Variants in ADAMTS6 observed in about 807,000 individuals in gnomAD.
ADAMTS6 encodes the protein ADAM metallopeptidase with thrombospondin type 1 motif 6.
Under a neutral mutation model 144.3 loss-of-function variants are expected in ADAMTS6, and 23 were observed. The observed-to-expected ratio is 0.16, with a 90% CI of 0.11 to 0.23. ADAMTS6 has a LOEUF of 0.23. Among genes scored for constraint, ADAMTS6 ranks in the 10% least tolerant of loss-of-function variants. The probability of loss-of-function intolerance (pLI) is 1.00; values close to 1 mark genes in which losing one functional copy is unlikely to be tolerated. For missense variants in ADAMTS6, 999 were observed against 1,379.6 expected (o/e 0.72, Z 4.37); for synonymous variants, 444 against 457.5 (o/e 0.97, Z 0.38).
Position 65,270,094 on chromosome 5 carries a change from G to A in ADAMTS6, c.1620+3246C>T, listed in dbSNP as rs563868814. ...TAGGCATAAGCCACCAGGCCCGGCC[G>A]TAAGTACTTCTTAAATATTCATCAT... On this transcript the variant is annotated intron_variant, in intron 12 of 24. Transcript: ENST00000381055. Among the ~76,000 whole-genome samples the A allele has an allele frequency of 2.1e-4, 32 of 152,032 alleles. 1 individual carries two copies. The highest frequency in any genetic ancestry group is 2.5e-4 in the Non-Finnish European group (17 of 67,952).
intron 7 of ADAMTS6, among the ~76,000 whole-genome samples, chr5:65,376,778 C>T (rs1327792140): frequency 6.6e-6 from 1 of 151,874 alleles, no homozygotes; most frequent in African/African-American, 2.4e-5. Context: ...CTGCAGTGAG[C>T]CATAACCACC....
intron 17 of ADAMTS6, 112 bp from the exon 18 acceptor site, chr5:65,224,512 A>T: frequency 1.1e-6 from 1 of 927,894 alleles, no homozygotes; most frequent in South Asian, 1.5e-5. Flanking sequence ...TTGACTTTGC[A>T]TTTTATGAAT....
In ADAMTS6 at chr5:65,196,392, G is replaced by A. The variant is rs538399577; in HGVS notation, c.2705+630C>T. Among the ~76,000 whole-genome samples, 336 of 151,692 alleles carry A rather than the reference G, an allele frequency of 2.2e-3. 1 individual carries two copies. Among genetic ancestry groups the A allele is most frequent in the South Asian group, 3.8e-3 (18 of 4,778 alleles). On this transcript the variant is annotated intron_variant, in intron 21 of 24. Coordinates refer to ENST00000381055, the MANE Select transcript of ADAMTS6 (RefSeq NM_197941.4). ...AAAAAATTTAGCCGGGTGTGGTGGT[G>A]GGCGCCTGTAGTCCCAGGTACTTGG...
chr5:65,349,306 TCAA>T (rs1305577540), intron 7 of ADAMTS6, among the ~76,000 whole-genome samples: 1 of 152,052 alleles, frequency 6.6e-6, no homozygotes, highest in Admixed American at 6.6e-5. Flanking sequence ...GGCAAATTAT[TCAA>T]CAACACTAAT....
chr5:65,392,111 T>C (rs2150149898), intron 7 of ADAMTS6, among the ~76,000 whole-genome samples: 1 of 152,330 alleles, frequency 6.6e-6, no homozygotes, highest in Non-Finnish European at 1.5e-5. Context: ...ATTTGTCTGA[T>C]GTGATTAGTT....
At chr5:65,342,626 C>T (rs770035427) in intron 7 of ADAMTS6, among the ~76,000 whole-genome samples, 8 of 152,036 alleles carry the variant, frequency 5.3e-5, no homozygotes, top group Non-Finnish European at 1.0e-4. Context: ...GAAGCTTTTC[C>T]TCTAAAATCT....
chr5:65,189,300 A>T (rs527451540), intron 21 of ADAMTS6, among the ~76,000 whole-genome samples: 2 of 152,312 alleles, frequency 1.3e-5, no homozygotes, highest in South Asian at 4.1e-4. Flanking sequence ...TAAGGGATGT[A>T]ACTCATGATC....
intron 22 of ADAMTS6, among the ~76,000 whole-genome samples, chr5:65,177,844 T>A (rs1561252339): frequency 6.6e-6 from 1 of 152,194 alleles, no homozygotes; most frequent in Non-Finnish European, 1.5e-5. Flanking sequence ...ACTAAGGTGG[T>A]CCTCCAGTCG....
At position 65,262,813 on chromosome 5, in the gene ADAMTS6, T is replaced by A; in HGVS notation, c.1766+4A>T. 1 of 1,501,598 alleles carries A rather than the reference T, an allele frequency of 6.7e-7. No homozygotes were observed. Among genetic ancestry groups the A allele is most frequent in the Non-Finnish European group, 8.8e-7 (1 of 1,130,228 alleles). 93.0% of individuals were successfully genotyped at this position (1,501,598 alleles called of 1,614,324 possible). ...GTTGGCTCCGGCTTACTTTAGCTACTTACGCTGGACTGTCACAGTGTCTTA... is the reference window on the plus strand; with the variant it reads ...GTTGGCTCCGGCTTACTTTAGCTACATACGCTGGACTGTCACAGTGTCTTA... On this transcript the variant is annotated splice_donor_region_variant and intron_variant, in intron 13 of 24. Transcript: ENST00000381055.
chr5:65,151,134 A>C lies in ADAMTS6; in HGVS notation c.*702T>G, dbSNP rs1752121217. 1 of 152,688 alleles carries C rather than the reference A, an allele frequency of 6.5e-6. No homozygotes were observed. The highest frequency in any genetic ancestry group is 2.1e-4 in the South Asian group (1 of 4,838). The allele number at this position is 152,688 out of a possible 1,614,324, so 9.5% of individuals were successfully genotyped here. A position where few individuals can be genotyped will look rare whatever the true frequency, so the allele number is the denominator to read the frequency against. Reference sequence around the variant, plus strand: ...TGAGTTTATAGACTTGCACAGCTGCAGTAACTGATGCACTGCTTTAAACTA... The same window carrying C: ...TGAGTTTATAGACTTGCACAGCTGCCGTAACTGATGCACTGCTTTAAACTA... On this transcript the variant is annotated 3_prime_UTR_variant, in exon 25 of 25. Transcript: ENST00000381055.
intron 14 of ADAMTS6, among the ~76,000 whole-genome samples, chr5:65,260,102 AAGTG>A (rs1489054192): frequency 6.6e-6 from 1 of 152,130 alleles, no homozygotes; most frequent in African/African-American, 2.4e-5. Flanking sequence ...AAATTCAGAG[AAGTG>A]AGTATTAGGG....
At chr5:65,330,870 A>C (rs936757312) in intron 8 of ADAMTS6, among the ~76,000 whole-genome samples, 2 of 151,990 alleles carry the variant, frequency 1.3e-5, no homozygotes, top group African/African-American at 4.8e-5. Context: ...TGAAAAAGAG[A>C]ATGTAAAAAG....
At chr5:65,218,099 A>G (rs1757062090) in intron 18 of ADAMTS6, among the ~76,000 whole-genome samples, 2 of 152,152 alleles carry the variant, frequency 1.3e-5, no homozygotes, top group Non-Finnish European at 2.9e-5. Context: ...AGAACAAGAG[A>G]GGAAGGAGGA....
At chr5:65,240,324 T>C (rs541348421) in intron 15 of ADAMTS6, among the ~76,000 whole-genome samples, 1 of 151,988 alleles carries the variant, frequency 6.6e-6, no homozygotes, top group South Asian at 2.1e-4. Flanking sequence ...AACATTAGGC[T>C]TAAAGAAGAT....
intron 7 of ADAMTS6, among the ~76,000 whole-genome samples, chr5:65,368,610 T>C (rs1280383376): frequency 1.3e-5 from 2 of 152,188 alleles, no homozygotes; most frequent in South Asian, 2.1e-4. Flanking sequence ...GGTGTCCATC[T>C]TGGGTCTAAA....
intron 11 of ADAMTS6, among the ~76,000 whole-genome samples, chr5:65,278,502 C>T (rs1022298494): frequency 6.6e-6 from 1 of 152,118 alleles, no homozygotes; most frequent in African/African-American, 2.4e-5. Flanking sequence ...TGTTTTTTGA[C>T]TTTTTAATAA....
intron 7 of ADAMTS6, among the ~76,000 whole-genome samples, chr5:65,444,216 A>AC (rs1254745748): frequency 3.9e-5 from 6 of 152,102 alleles, no homozygotes; most frequent in Admixed American, 1.3e-4. Context: ...ACATGGTGAA[A>AC]CCCCATCTCT....
At chr5:65,193,913 T>C (rs1055320554) in intron 21 of ADAMTS6, among the ~76,000 whole-genome samples, 5 of 152,212 alleles carry the variant, frequency 3.3e-5, no homozygotes, top group African/African-American at 9.6e-5. Flanking sequence ...TGTTGAGAAC[T>C]GACTATAAAG....
At position 65,172,961 on chromosome 5, in the gene ADAMTS6, G is replaced by A. The variant is rs1305209768; in HGVS notation, c.2958C>T (p.Cys986=). 1 of 1,614,080 alleles carries A rather than the reference G, an allele frequency of 6.2e-7. No individual in the cohort carries two copies. The highest frequency in any genetic ancestry group is 2.2e-5 in the East Asian group (1 of 44,896). ...ATGTCTTAGAAAGGTCACTGCTCTT[G>A]CACAGAACAATCCGATGCTTGAATC... The part of the protein sequence containing the change: ...GPGFKHRIVL[C]KSSDLSKTFP... The change falls in exon 23 of 25, where the codon TGC becomes TGT. Residue 986 remains cysteine, a synonymous_variant. Transcript: ENST00000381055.
Sources: gnomAD v4.1 joint callset for allele counts (sites outside exome capture counted in the v4.1 genomes callset) on GRCh38, gnomAD v4.1.1 for gene constraint, MANE v1.5 for transcripts, NCBI Gene and HGNC (gene_info 2026-07-23, HGNC 2026-07-21) for gene names.